Variants in EPHB1 observed in about 807,000 individuals in gnomAD.
The protein encoded by EPHB1 is EPH receptor B1.
EPHB1 carries 30 observed loss-of-function variants against 94.4 expected under a neutral mutation model. That is an observed-to-expected ratio of 0.32 (90% CI 0.24 to 0.43). The LOEUF (loss-of-function observed/expected upper bound fraction) is 0.43, where lower values mean the gene tolerates loss of function less well. EPHB1 is among the 20% of genes least tolerant of loss of function. EPHB1 has a pLI of 1.00. For synonymous variants in EPHB1, 522 were observed against 489.1 expected (o/e 1.07, Z -0.89); for missense variants, 1,055 against 1,308.3 (o/e 0.81, Z 2.99).
intron 1 of EPHB1, among the ~76,000 whole-genome samples, chr3:134,822,412 G>A (rs2036399425): frequency 6.6e-6 from 1 of 152,234 alleles, no homozygotes; most frequent in Admixed American, 6.5e-5. Flanking sequence ...CAGAGCTGGT[G>A]TAGGCTGATG....
intron 1 of EPHB1, among the ~76,000 whole-genome samples, chr3:134,915,592 C>T (rs377174230): frequency 1.8e-3 from 280 of 152,240 alleles, no homozygotes; most frequent in African/African-American, 6.3e-3. Flanking sequence ...TTCTTAAAGG[C>T]GGCGTGTCTG....
chr3:134,902,396 A>T (rs1438816530), intron 1 of EPHB1, among the ~76,000 whole-genome samples: 1 of 152,064 alleles, frequency 6.6e-6, no homozygotes. Context: ...GGTCTCCAAA[A>T]CTCCAGGATC....
intron 12 of EPHB1, among the ~76,000 whole-genome samples, chr3:135,205,640 G>A (rs758837758): frequency 3.3e-5 from 5 of 152,084 alleles, no homozygotes; most frequent in Non-Finnish European, 7.4e-5. Flanking sequence ...AGCACACAGA[G>A]AACTTGATAG....
chr3:134,882,930 C>G (rs1322445651), intron 1 of EPHB1, among the ~76,000 whole-genome samples: 1 of 151,900 alleles, frequency 6.6e-6, no homozygotes, highest in Admixed American at 6.6e-5. Flanking sequence ...TCAAGCGATT[C>G]TCCTGCCTCA....
intron 1 of EPHB1, among the ~76,000 whole-genome samples, chr3:134,797,545 C>T (rs961064790): frequency 6.6e-6 from 1 of 152,184 alleles, no homozygotes; most frequent in Non-Finnish European, 1.5e-5. Flanking sequence ...GTGCTCTCGG[C>T]ATTGGGTTCC....
chr3:135,133,354 A>G (rs538928685), intron 5 of EPHB1, among the ~76,000 whole-genome samples: 1 of 152,340 alleles, frequency 6.6e-6, no homozygotes, highest in East Asian at 1.9e-4. Context: ...TCCTGTTGGA[A>G]AGATGGATGA....
intron 3 of EPHB1, among the ~76,000 whole-genome samples, chr3:135,099,052 T>A (rs1376292154): frequency 6.6e-6 from 1 of 151,384 alleles, no homozygotes; most frequent in Non-Finnish European, 1.5e-5. Flanking sequence ...AATCCACACT[T>A]TGTGTGGGAG....
intron 12 of EPHB1, among the ~76,000 whole-genome samples, chr3:135,213,369 C>G (rs541830699): frequency 3.0e-4 from 46 of 152,370 alleles, no homozygotes; most frequent in African/African-American, 1.1e-3. Flanking sequence ...ACTCTGAACA[C>G]TTGCATGGTT....
At chr3:135,078,242 T>G (rs1938018034) in intron 3 of EPHB1, among the ~76,000 whole-genome samples, 3 of 151,948 alleles carry the variant, frequency 2.0e-5, no homozygotes, top group Admixed American at 2.0e-4. Flanking sequence ...GGGAGGAGTA[T>G]GGAAAGGAGT....
intron 1 of EPHB1, among the ~76,000 whole-genome samples, chr3:134,845,986 C>T (rs1052412508): frequency 1.3e-5 from 2 of 152,050 alleles, no homozygotes; most frequent in East Asian, 1.9e-4. Flanking sequence ...AAAGAGGTCT[C>T]ATGATCATTT....
At chr3:134,917,222 C>T (rs1314293790) in intron 1 of EPHB1, among the ~76,000 whole-genome samples, 1 of 152,154 alleles carries the variant, frequency 6.6e-6, no homozygotes, top group African/African-American at 2.4e-5. Context: ...CAGAAGAAAC[C>T]CTCTGAACCA....
At chr3:135,155,947 A>G (rs1251940131) in intron 6 of EPHB1, among the ~76,000 whole-genome samples, 1 of 152,014 alleles carries the variant, frequency 6.6e-6, no homozygotes, top group Admixed American at 6.6e-5. Flanking sequence ...ATCTACAATT[A>G]TTAACGAGGA....
chr3:135,049,521 T>C (rs1937105220), intron 3 of EPHB1, among the ~76,000 whole-genome samples: 1 of 152,218 alleles, frequency 6.6e-6, no homozygotes. Context: ...CCTCACAGCA[T>C]GGTGGCTGGA....
Position 135,241,265 on chromosome 3 carries a change from G to A in EPHB1, c.2464G>A (p.Glu822Lys), listed in dbSNP as rs1282108966. The change falls in exon 13 of 16, where the codon GAG becomes AAG. Residue 822 changes from glutamate (E) to lysine (K), a missense_variant. Transcript: ENST00000398015. The stretch of plus-strand genomic sequence containing the variant: ...CATGTGGGAAGTCATGTCATTTGGA[G>A]AGAGACCCTATTGGGATATGTCCAA... ...IVMWEVMSFG[E>K]RPYWDMSNQD... 1.2e-6 allele frequency: 2 copies of A among 1,614,208 alleles called. No homozygotes were observed. Among genetic ancestry groups the A allele is most frequent in the Admixed American group, 1.7e-5 (1 of 60,032 alleles).
intron 12 of EPHB1, among the ~76,000 whole-genome samples, chr3:135,207,486 C>T (rs1406850552): frequency 3.3e-5 from 5 of 152,214 alleles, no homozygotes; most frequent in Non-Finnish European, 2.9e-5. Flanking sequence ...ATTGTTACTG[C>T]TCTCAGTTAA....
At chr3:134,974,313 T>G (rs533916736) in intron 3 of EPHB1, among the ~76,000 whole-genome samples, 2 of 152,136 alleles carry the variant, frequency 1.3e-5, no homozygotes, top group South Asian at 4.2e-4. Flanking sequence ...GGAGCCAGAC[T>G]GCCTGGGTTG....
At chr3:135,088,756 A>G (rs1233979447) in intron 3 of EPHB1, among the ~76,000 whole-genome samples, 1 of 152,222 alleles carries the variant, frequency 6.6e-6, no homozygotes, top group Non-Finnish European at 1.5e-5. Context: ...ATACTCATGC[A>G]TTATCAAAGC....
At chr3:135,003,003 C>A (rs1100573) in intron 3 of EPHB1, among the ~76,000 whole-genome samples, 4 of 149,404 alleles carry the variant, frequency 2.7e-5, no homozygotes, top group Non-Finnish European at 6.0e-5. Flanking sequence ...TCTACTAGCT[C>A]TTGAATGTGT....
intron 4 of EPHB1, among the ~76,000 whole-genome samples, chr3:135,119,824 C>T (rs1939877278): frequency 6.6e-6 from 1 of 152,128 alleles, no homozygotes; most frequent in East Asian, 1.9e-4. Flanking sequence ...CTTTATTTTG[C>T]ATAGGATGTG....
Sources: allele counts gnomAD v4.1 joint callset (sites outside exome capture counted in the v4.1 genomes callset), GRCh38; gene constraint gnomAD v4.1.1; transcripts MANE v1.5; gene names NCBI Gene and HGNC (gene_info 2026-07-23, HGNC 2026-07-21).